LTBP4: variants seen among roughly 807,000 people sequenced by gnomAD.
LTBP4 encodes the protein latent-transforming growth factor beta-binding protein 4.
In LTBP4, 93 loss-of-function variants were observed where a neutral mutation model predicts 180.2. That is an observed-to-expected ratio of 0.52 (90% CI 0.44 to 0.61). The LOEUF is 0.61. LTBP4 is among the 20% of genes least tolerant of loss of function. LTBP4 has a pLI of 0.00. For synonymous variants in LTBP4, 947 were observed against 934.5 expected (o/e 1.01, Z -0.24); for missense variants, 2,116 against 2,256.5 (o/e 0.94, Z 1.26).
Position 40,606,218 on chromosome 19 carries a change from C to T in LTBP4, c.794-15C>T. ...GCCCACCTGTCCCTGGCCCACCCCTCTCCTCTCGCCACAGGGAACTCCGAA... is the reference window on the plus strand; with the variant it reads ...GCCCACCTGTCCCTGGCCCACCCCTTTCCTCTCGCCACAGGGAACTCCGAA... On this transcript the variant is annotated splice_polypyrimidine_tract_variant and intron_variant, in intron 4 of 29. Transcript: ENST00000396819. 6.3e-7 allele frequency: 1 copy of T among 1,576,078 alleles called. No individual in the cohort carries two copies. Among genetic ancestry groups the T allele is most frequent in the Non-Finnish European group, 8.6e-7 (1 of 1,160,040 alleles).
intron 15 of LTBP4, among the ~76,000 whole-genome samples, 160 bp from the exon 16 acceptor site, chr19:40,612,905 C>A (rs766895940): frequency 6.6e-6 from 1 of 152,332 alleles, no homozygotes; most frequent in Non-Finnish European, 1.5e-5. Context: ...CCCCGGAACC[C>A]GAGAACCTTG....
chr19:40,597,442 C>A, upstream of LTBP4: 1 of 1,400,746 alleles, frequency 7.1e-7, no homozygotes, highest in Non-Finnish European at 9.3e-7. Flanking sequence ...AGGAGGACCA[C>A]GGCTTTCGGA....
rs2081498697 is a variant in LTBP4, at chr19:40,610,598, G to C, written c.1751G>C (p.Ser584Thr). ...DLGRCENTPG[S>T]FLCVCPAGYQ... ...GGGCGCTGCGAGAACACGCCAGGCA[G>C]CTTCCTGTGCGTGTGCCCCGCCGGG... Residue 584 changes from serine to threonine, a missense_variant, in exon 12 of 30, where the codon AGC becomes ACC. This residue lies in a region of LTBP4 where 877 missense variants were observed against 873.6 expected (regional missense o/e 1.00). Coordinates refer to ENST00000396819, the MANE Select transcript of LTBP4 (RefSeq NM_001042545.2). 6.3e-7 allele frequency: 1 copy of C among 1,588,754 alleles called. No individual in the cohort carries two copies. The highest frequency in any genetic ancestry group is 1.3e-5 in the African/African-American group (1 of 74,796).
In LTBP4 at chr19:40,627,843, G is replaced by T. The variant is rs897376392; in HGVS notation, c.4505G>T (p.Arg1502Leu). ...GACGGCTACCGCCTGGACATGACCC[G>T]CATGGCCTGCGTTGGTGAGGGCGGG... is the stretch of plus-strand genomic sequence containing the variant. Reference protein sequence around the residue: ...CFDGYRLDMTRMACVDINECD... With the variant: ...CFDGYRLDMTLMACVDINECD... Residue 1502 changes from arginine (R) to leucine (L), a missense_variant, in exon 29 of 30, where the codon CGC becomes CTC. Arg to Leu is a moderately radical substitution (Grantham distance 102). This residue lies in a region of LTBP4 where 488 missense variants were observed against 458.8 expected (regional missense o/e 1.06). Transcript: ENST00000396819. 12 of 1,566,046 alleles carry T rather than the reference G, an allele frequency of 7.7e-6. No individual in the cohort carries two copies. In the East Asian group the frequency reaches 2.6e-4, roughly 34 times the overall value.
intron 1 of LTBP4, among the ~76,000 whole-genome samples, chr19:40,603,299 C>T (rs547040011): frequency 6.6e-6 from 1 of 152,298 alleles, no homozygotes; most frequent in African/African-American, 2.4e-5. Flanking sequence ...ACATTGTGCT[C>T]CTTACAGGCA....
intron 1 of LTBP4, among the ~76,000 whole-genome samples, chr19:40,602,388 G>C (rs967844226): frequency 6.6e-6 from 1 of 152,038 alleles, no homozygotes; most frequent in Non-Finnish European, 1.5e-5. Context: ...TGTTGTTCCA[G>C]GATGCAAAAG....
At chr19:40,606,117 C>A in intron 4 of LTBP4, 116 bp from the exon 5 acceptor site, 1 of 1,004,558 alleles carries the variant, frequency 1.0e-6, no homozygotes, top group Non-Finnish European at 1.5e-6. Context: ...AAGGCTGTCC[C>A]TGCACTTAAA....
At chr19:40,608,763 T>G in intron 9 of LTBP4, 160 bp downstream of exon 9, 2 of 749,702 alleles carry the variant, frequency 2.7e-6, no homozygotes, top group South Asian at 3.8e-5. Context: ...CTACAAAAAT[T>G]AACTGGGCGT....
At chr19:40,616,546 A>G (rs1424643889) in intron 19 of LTBP4, among the ~76,000 whole-genome samples, 1 of 152,194 alleles carries the variant, frequency 6.6e-6, no homozygotes, top group Non-Finnish European at 1.5e-5. Flanking sequence ...CATTCTGGTC[A>G]ACATGGTGAA....
At chr19:40,621,576 T>C (rs1039503245) in intron 22 of LTBP4, among the ~76,000 whole-genome samples, 2 of 152,034 alleles carry the variant, frequency 1.3e-5, no homozygotes, top group African/African-American at 4.8e-5. Flanking sequence ...ATATGGAGGC[T>C]GGGAGCTCAG....
At position 40,613,411 on chromosome 19, in the gene LTBP4, C is replaced by A. The variant is rs1381196220; in HGVS notation, c.2439C>A (p.Asn813Lys). ...SGRPGPCADV[N>K]ECLEGDFCFP... is the part of the protein sequence containing the mutation. ...ATCTCCCGCGTACCCTAGACGTGAACGAGTGCCTGGAGGGCGATTTCTGCT... is the reference window on the plus strand; with the variant it reads ...ATCTCCCGCGTACCCTAGACGTGAAAGAGTGCCTGGAGGGCGATTTCTGCT... The change falls in exon 17 of 30, where the codon AAC (asparagine) becomes AAA (lysine). Residue 813 changes from asparagine (N) to lysine (K), a missense_variant. Physicochemically the swap from Asn to Lys is moderately conservative, Grantham distance 94 (BLOSUM62 0). Transcript: ENST00000396819. This position sits in a 1 kb window ranked among gnomAD's most constrained non-coding sequence, Gnocchi z 5.0. 6.2e-7 allele frequency: 1 copy of A among 1,606,782 alleles called. No individual in the cohort carries two copies. The highest frequency in any genetic ancestry group is 2.2e-5 in the East Asian group (1 of 44,534).
At position 40,629,668 on chromosome 19, in the gene LTBP4, C is replaced by A; in HGVS notation, c.*118C>A. The stretch of plus-strand genomic sequence containing the variant: ...GCCCGCCTGGACCTGGAGAAGGGAC[C>A]TACGGACGCCTGGAAGCTGCGACGC... On this transcript the variant is annotated 3_prime_UTR_variant, in exon 30 of 30. Coordinates refer to ENST00000396819, the MANE Select transcript of LTBP4 (RefSeq NM_001042545.2). This position sits in a 1 kb window ranked among gnomAD's most constrained non-coding sequence, Gnocchi z 4.5. 1 of 1,074,876 alleles carries A rather than the reference C, an allele frequency of 9.3e-7. No homozygotes were observed. Among genetic ancestry groups the A allele is most frequent in the Non-Finnish European group, 1.2e-6 (1 of 830,982 alleles). The allele number at this position is 1,074,876 out of a possible 1,614,324, so 66.6% of individuals were successfully genotyped here. A position where few individuals can be genotyped will look rare whatever the true frequency, so the allele number is the denominator to read the frequency against.
At chr19:40,606,159 C>A in intron 4 of LTBP4, 74 bp from the exon 5 acceptor site, 1 of 1,328,364 alleles carries the variant, frequency 7.5e-7, no homozygotes, top group Non-Finnish European at 1.1e-6. Context: ...CCCTCCCACC[C>A]CGTCTTCGTC....
chr19:40,614,586 G>A, intron 19 of LTBP4, 140 bp downstream of exon 19: 1 of 1,142,764 alleles, frequency 8.8e-7, no homozygotes, highest in Non-Finnish European at 1.2e-6. Flanking sequence ...CTCTGTAGTG[G>A]AAATAAGCCG....
In LTBP4 at chr19:40,608,528, C is replaced by A; in HGVS notation, c.1351C>A (p.Pro451Thr). 1 of 1,605,518 alleles carries A rather than the reference C, an allele frequency of 6.2e-7. No individual in the cohort carries two copies. Among genetic ancestry groups the A allele is most frequent in the Non-Finnish European group, 8.5e-7 (1 of 1,177,070 alleles). Residue 451 changes from proline (P) to threonine (T), a missense_variant, in exon 9 of 30, where the codon CCC (proline) becomes ACC (threonine). Pro to Thr is a conservative substitution (Grantham distance 38). Transcript: ENST00000396819. ...CCTGGAGCCCCGGCCTGAACCCCGG[C>A]CCGATCCCCGGCCCGGCCCTGAGCT... ...HRLEPRPEPR[P>T]DPRPGPELPL...
chr19:40,627,708 C>T lies in LTBP4; in HGVS notation c.4370C>T (p.Ser1457Phe), dbSNP rs2081646320. 3 of 1,592,048 alleles carry T rather than the reference C, an allele frequency of 1.9e-6. No individual in the cohort carries two copies. Among genetic ancestry groups the T allele is most frequent in the African/African-American group, 1.3e-5 (1 of 74,400 alleles). The change falls in exon 29 of 30, where the codon TCC (serine) becomes TTC (phenylalanine). Residue 1457 changes from serine to phenylalanine, a missense_variant. Ser to Phe is a radical substitution (Grantham distance 155). Transcript: ENST00000396819. ...EPPEGGSYAG[S>F]LAEPYEELEA... The stretch of plus-strand genomic sequence containing the variant: ...AGGGTCCCCGCATTTCCCACAGGTT[C>T]CCTGGCTGAGCCCTACGAGGAGCTG...
intron 26 of LTBP4, among the ~76,000 whole-genome samples, chr19:40,625,322 T>A (rs1300653186): frequency 1.7e-5 from 1 of 58,256 alleles, no homozygotes; most frequent in Non-Finnish European, 3.0e-5. Flanking sequence ...ATATATTTTT[T>A]TTTTTAAAGA....
Position 40,607,395 on chromosome 19 carries a change from C to T in LTBP4, c.1022C>T (p.Pro341Leu), listed in dbSNP as rs767838074. The change falls in exon 7 of 30, where the codon CCC becomes CTC. Residue 341 changes from proline (P) to leucine (L), a missense_variant. By Grantham distance (98) the Pro-to-Leu change is moderately conservative. Around this residue, in one of 5 missense-constraint regions of LTBP4, gnomAD observed 469 missense variants for 532.5 expected, o/e 0.88. Transcript: ENST00000396819. Reference protein sequence around the residue: ...SQHVISEAKGPCFRVLRDGGC... With the variant: ...SQHVISEAKGLCFRVLRDGGC... Reference sequence around the variant, plus strand: ...CACGTGATCTCAGAGGCCAAAGGGCCCTGCTTCCGCGTGCTCCGCGACGGC... The same window carrying T: ...CACGTGATCTCAGAGGCCAAAGGGCTCTGCTTCCGCGTGCTCCGCGACGGC... The T allele has an allele frequency of 1.9e-6, 3 of 1,613,038 alleles. No homozygotes were observed. The South Asian group carries it at 3.3e-5, about 18-fold the overall frequency.
At chr19:40,599,132 T>C (rs2081406542), upstream of LTBP4, 6 of 1,465,024 alleles carry the variant, frequency 4.1e-6, no homozygotes, top group African/African-American at 2.8e-5. Context: ...CCCTCCCCGA[T>C]TGCCCTCCTT....
Sources: allele counts gnomAD v4.1 joint callset (sites outside exome capture counted in the v4.1 genomes callset), GRCh38; gene constraint gnomAD v4.1.1; regional missense constraint gnomAD v4.1.1; non-coding constraint Gnocchi (gnomAD v3.1); transcripts MANE v1.5; gene names NCBI Gene and HGNC (gene_info 2026-07-23, HGNC 2026-07-21).